ZNF507: variants seen among roughly 807,000 people sequenced by gnomAD.
ZNF507 encodes the protein zinc finger protein 507.
A neutral mutation model predicts 80.0 loss-of-function variants in ZNF507; 29 were observed. That is an observed-to-expected ratio of 0.36 (90% CI 0.27 to 0.49). The LOEUF (loss-of-function observed/expected upper bound fraction) is 0.49, where lower values mean the gene tolerates loss of function less well. ZNF507 is among the 20% of genes least tolerant of loss of function. The probability of loss-of-function intolerance (pLI) is 0.98; values close to 1 mark genes in which losing one functional copy is unlikely to be tolerated. For synonymous variants in ZNF507, 462 were observed against 422.5 expected (o/e 1.09, Z -1.15); for missense variants, 1,081 against 1,152.2 (o/e 0.94, Z 0.90).
At position 32,353,314 on chromosome 19, in the gene ZNF507, A is replaced by G. The variant is rs1413364472; in HGVS notation, c.484A>G (p.Ile162Val). 6.2e-7 allele frequency: 1 copy of G among 1,614,258 alleles called. No individual in the cohort carries two copies. Among genetic ancestry groups the G allele is most frequent in the South Asian group, 1.1e-5 (1 of 91,086 alleles). Residue 162 changes from isoleucine to valine, a missense_variant, in exon 3 of 7, where the codon ATT becomes GTT. By Grantham distance (29) the Ile-to-Val change is conservative. This residue lies in a region of ZNF507 where 275 missense variants were observed against 303.9 expected (regional missense o/e 0.90). Coordinates refer to ENST00000355898, the MANE Select transcript of ZNF507 (RefSeq NM_001136156.2). Reference protein sequence around the residue: ...EVILMCSECHITSRSQEELEA... With the variant: ...EVILMCSECHVTSRSQEELEA... ...GATACTGATGTGCTCAGAGTGCCAT[A>G]TTACATCTAGAAGCCAGGAGGAACT...
chr19:32,385,728 T>A lies in ZNF507; in HGVS notation c.*2645T>A, dbSNP rs542173280. On this transcript the variant is annotated 3_prime_UTR_variant, in exon 7 of 7. Coordinates refer to ENST00000355898, the MANE Select transcript of ZNF507 (RefSeq NM_001136156.2). ...TACTTGGGAGGTTAAGGTGGGAGGA[T>A]CACTTGAGCCTGGGAGATAGAGGCT... 85 of 152,172 alleles carry A rather than the reference T, an allele frequency of 5.6e-4. No homozygotes were observed. The highest frequency in any genetic ancestry group is 2.0e-3 in the African/African-American group (84 of 41,486). 9.4% of individuals were successfully genotyped at this position (152,172 alleles called of 1,614,324 possible). A position where few individuals can be genotyped will look rare whatever the true frequency, so the allele number is the denominator to read the frequency against.
At position 32,354,285 on chromosome 19, in the gene ZNF507, A is replaced by G; in HGVS notation, c.1455A>G (p.Thr485=). 6.2e-7 allele frequency: 1 copy of G among 1,614,186 alleles called. No homozygotes were observed. The highest frequency in any genetic ancestry group is 8.5e-7 in the Non-Finnish European group (1 of 1,180,030). ...ATGCCCCACCAGGCCGGAGAAGGAC[A>G]AATTCTGAGTCTCTTCGATTACACT... ...DENAPPGRRR[T]NSESLRLHSL... is the part of the protein sequence containing the mutation. The change falls in exon 3 of 7, where the codon ACA becomes ACG. Residue 485 remains threonine, a synonymous_variant. Transcript: ENST00000355898.
chr19:32,359,052 C>T (rs1279791479), intron 4 of ZNF507: 1 of 152,116 alleles, frequency 6.6e-6, no homozygotes, highest in Non-Finnish European at 1.5e-5. Context: ...TATTAGTTGT[C>T]ATTGATCTGT....
At chr19:32,355,244 A>G (rs1967236702) in intron 3 of ZNF507, among the ~76,000 whole-genome samples, 1 of 152,198 alleles carries the variant, frequency 6.6e-6, no homozygotes, top group Non-Finnish European at 1.5e-5. Flanking sequence ...AATTGTAGGG[A>G]GTGTATAGTG....
intron 4 of ZNF507, 74 bp downstream of exon 4, chr19:32,356,807 G>C (rs779909558): frequency 3.3e-5 from 39 of 1,186,796 alleles, no homozygotes; most frequent in Non-Finnish European, 4.2e-5. Context: ...TGTCATGGTT[G>C]GTTATTTTCA....
chr19:32,355,806 C>T (rs1008906882), intron 3 of ZNF507, among the ~76,000 whole-genome samples: 1 of 151,980 alleles, frequency 6.6e-6, no homozygotes, highest in Non-Finnish European at 1.5e-5. Context: ...TTGAGACCAT[C>T]CTGGCTAACA....
At chr19:32,361,882 C>CCCCTCCCT (rs1228230846) in intron 5 of ZNF507, among the ~76,000 whole-genome samples, 1 of 118,750 alleles carries the variant, frequency 8.4e-6, no homozygotes, top group Non-Finnish European at 1.8e-5. Flanking sequence ...TCCTTTCCCT[C>CCCCTCCCT]CCCTCCCTCC....
At position 32,382,886 on chromosome 19, in the gene ZNF507, A is replaced by T; in HGVS notation, c.2665A>T (p.Thr889Ser). The T allele has an allele frequency of 6.2e-7, 1 of 1,613,810 alleles. No homozygotes were observed. The highest frequency in any genetic ancestry group is 8.5e-7 in the Non-Finnish European group (1 of 1,179,820). Reference protein sequence around the residue: ...ENEKLSPTSNTSYSLEKISSL... With the variant: ...ENEKLSPTSNSSYSLEKISSL... Reference sequence around the variant, plus strand: ...TGAGAAACTGAGCCCTACAAGTAATACCTCATATAGTTTAGAAAAAATCTC... The same window carrying T: ...TGAGAAACTGAGCCCTACAAGTAATTCCTCATATAGTTTAGAAAAAATCTC... Residue 889 changes from threonine to serine, a missense_variant, in exon 7 of 7, where the codon ACC becomes TCC. Coordinates refer to ENST00000355898, the MANE Select transcript of ZNF507 (RefSeq NM_001136156.2).
At chr19:32,379,625 T>C (rs1433499611) in intron 5 of ZNF507, among the ~76,000 whole-genome samples, 2 of 152,234 alleles carry the variant, frequency 1.3e-5, no homozygotes, top group African/African-American at 2.4e-5. Context: ...TGTATGTGTA[T>C]ATACATACAT....
intron 5 of ZNF507, among the ~76,000 whole-genome samples, chr19:32,380,373 CTGCCTGTTTAT>C (rs1358876999): frequency 6.6e-6 from 1 of 151,722 alleles, no homozygotes; most frequent in Non-Finnish European, 1.5e-5. Context: ...AAAGAACTAA[CTGCCTGTTTAT>C]TGCCTGTTAA....
At chr19:32,351,437 G>A (rs927955720) in intron 2 of ZNF507, among the ~76,000 whole-genome samples, 50 of 138,172 alleles carry the variant, frequency 3.6e-4, no homozygotes, top group Non-Finnish European at 5.7e-4. Flanking sequence ...GTGTGTGTGT[G>A]TGTGTGTGTG....
chr19:32,355,028 T>A, intron 3 of ZNF507, 71 bp downstream of exon 3: 1 of 1,387,042 alleles, frequency 7.2e-7, no homozygotes, highest in Non-Finnish European at 9.6e-7. Context: ...TTTGTAGATC[T>A]AATCCAATCA....
rs7256654 is a variant in ZNF507 at position 32,385,676 on chromosome 19, T to C, written c.*2593T>C. ...CAAGAAATTAAAAATTAGCCAGGCA[T>C]AGTTGGCACGTGCCTGTAGCACCAG... On this transcript the variant is annotated 3_prime_UTR_variant, in exon 7 of 7. Transcript: ENST00000355898. 0.22 allele frequency: 33,171 copies of C among 152,072 alleles called. 4,237 individuals are homozygous for C. The highest frequency in any genetic ancestry group is 0.45 in the East Asian group (2,335 of 5,144). The allele number at this position is 152,072 out of a possible 1,614,324, so 9.4% of individuals were successfully genotyped here.
At position 32,354,796 on chromosome 19, in the gene ZNF507, A is replaced by G. The variant is rs1453322782; in HGVS notation, c.1966A>G (p.Ile656Val). 2 of 1,614,084 alleles carry G rather than the reference A, an allele frequency of 1.2e-6. No homozygotes were observed. Among genetic ancestry groups the G allele is most frequent in the Non-Finnish European group, 1.7e-6 (2 of 1,180,040 alleles). ...CTACACAAGTGGCAACAAGGGCTAC[A>G]TCAAGCAGCACTTACGAGTCCATCG... is the stretch of plus-strand genomic sequence containing the variant. ...CHYTSGNKGY[I>V]KQHLRVHRQR... The change falls in exon 3 of 7, where the codon ATC becomes GTC. Residue 656 changes from isoleucine (I) to valine (V), a missense_variant. By Grantham distance (29) the Ile-to-Val change is conservative. Coordinates refer to ENST00000355898, the MANE Select transcript of ZNF507 (RefSeq NM_001136156.2).
At chr19:32,371,827 G>A (rs1164922771) in intron 5 of ZNF507, among the ~76,000 whole-genome samples, 1 of 151,772 alleles carries the variant, frequency 6.6e-6, no homozygotes. Context: ...TTTTAGTAGA[G>A]ACGGGGTTTC....
chr19:32,365,601 C>A (rs1568306686), intron 5 of ZNF507, among the ~76,000 whole-genome samples: 1 of 151,706 alleles, frequency 6.6e-6, no homozygotes, highest in Non-Finnish European at 1.5e-5. Flanking sequence ...TTAGATGGTC[C>A]TTGGTTTAGT....
Position 32,354,639 on chromosome 19 carries a change from A to G in ZNF507, c.1809A>G (p.Ser603=). 2 of 1,614,192 alleles carry G rather than the reference A, an allele frequency of 1.2e-6. No homozygotes were observed. Among genetic ancestry groups the G allele is most frequent in the Non-Finnish European group, 1.7e-6 (2 of 1,180,028 alleles). ...KLRERTDQNA[S]DDDILKELQD... ...GAGAAAGGACAGACCAAAACGCTTC[A>G]GACGATGACATTTTGAAAGAGTTGC... The change falls in exon 3 of 7, where the codon TCA becomes TCG. Residue 603 remains serine, a synonymous_variant. Coordinates refer to ENST00000355898, the MANE Select transcript of ZNF507 (RefSeq NM_001136156.2).
At position 32,384,283 on chromosome 19, in the gene ZNF507, C is replaced by T. The variant is rs1189298845; in HGVS notation, c.*1200C>T. The T allele has an allele frequency of 6.6e-6, 1 of 152,196 alleles. No individual in the cohort carries two copies. Among genetic ancestry groups the T allele is most frequent in the Non-Finnish European group, 1.5e-5 (1 of 68,038 alleles). The allele number at this position is 152,196 out of a possible 1,614,324, so 9.4% of individuals were successfully genotyped here. A position where few individuals can be genotyped will look rare whatever the true frequency, so the allele number is the denominator to read the frequency against. On this transcript the variant is annotated 3_prime_UTR_variant, in exon 7 of 7. Transcript: ENST00000355898. ...TGCGATAGGACATATGGAAAACCAA[C>T]ACAAAGTGCTTTAGCATTAAAACTC...
At chr19:32,374,260 A>G (rs1967516109) in intron 5 of ZNF507, among the ~76,000 whole-genome samples, 1 of 151,962 alleles carries the variant, frequency 6.6e-6, no homozygotes, top group Non-Finnish European at 1.5e-5. Context: ...TTGCTGTTAT[A>G]AATAGTTTTT....
Sources: allele counts gnomAD v4.1 joint callset (sites outside exome capture counted in the v4.1 genomes callset), GRCh38; gene constraint gnomAD v4.1.1; regional missense constraint gnomAD v4.1.1; transcripts MANE v1.5; gene names NCBI Gene and HGNC (gene_info 2026-07-23, HGNC 2026-07-21).